Variants in TXK observed in about 807,000 individuals in gnomAD.
TXK encodes TXK tyrosine kinase.
A neutral mutation model predicts 81.0 loss-of-function variants in TXK; 60 were observed. That is an observed-to-expected ratio of 0.74 (90% confidence interval 0.60 to 0.92). The LOEUF (loss-of-function observed/expected upper bound fraction) is 0.92, where lower values mean the gene tolerates loss of function less well. TXK is among the 40% of genes least tolerant of loss of function. TXK has a pLI of 0.00. For missense variants in TXK, 581 were observed against 638.3 expected, an observed-to-expected ratio of 0.91 and a Z score of 0.97; for synonymous variants, 203 against 210.7, an observed-to-expected ratio of 0.96 and a Z score of 0.32.
chr4:48,130,779 T>C (rs1483789550), intron 1 of TXK, among the ~76,000 whole-genome samples: 1 of 152,034 alleles, frequency 6.6e-6, no homozygotes, highest in Non-Finnish European at 1.5e-5. Context: ...GAGAATCAGA[T>C]ACAAAAAGGA....
At chr4:48,082,497 T>A (rs1717346301) in intron 10 of TXK, among the ~76,000 whole-genome samples, 1 of 152,196 alleles carries the variant, frequency 6.6e-6, no homozygotes. Context: ...GTTCTTTGGA[T>A]AATAACTCAA....
chr4:48,108,328 T>C (rs1425289808), intron 5 of TXK, among the ~76,000 whole-genome samples: 3 of 152,208 alleles, frequency 2.0e-5, no homozygotes, highest in Non-Finnish European at 4.4e-5. Flanking sequence ...GTTAGTTTCA[T>C]AGTTCATGAA....
rs1210338764 is a variant in TXK, at chr4:48,112,388, T to G, written c.299A>C (p.Asn100Thr). 6.2e-7 allele frequency: 1 copy of G among 1,614,056 alleles called. No individual in the cohort carries two copies. Among genetic ancestry groups the G allele is most frequent in the African/African-American group, 1.3e-5 (1 of 74,912 alleles). Residue 100 changes from asparagine to threonine, a missense_variant, in exon 4 of 15, where the codon AAT becomes ACT. Transcript: ENST00000264316. ...LYDFLPREPC[N>T]LALRRAEEYL... ...TTCTTCTGCTCTCCTTAAGGCTAAA[T>G]TACAGGGTTCTCTGGGCAGAAAATC...
intron 6 of TXK, among the ~76,000 whole-genome samples, chr4:48,101,563 T>A (rs905212379): frequency 1.3e-5 from 2 of 152,054 alleles, no homozygotes; most frequent in South Asian, 2.1e-4. Context: ...TTATGACAAG[T>A]AGGATTTAAT....
chr4:48,110,706 A>T, intron 4 of TXK, 103 bp from the exon 5 acceptor site: 1 of 830,430 alleles, frequency 1.2e-6, no homozygotes, highest in Non-Finnish European at 2.0e-6. Context: ...GGGAAATCAA[A>T]TTCATTTTAC....
chr4:48,076,284 A>G, intron 12 of TXK, 118 bp downstream of exon 12: 2 of 748,708 alleles, frequency 2.7e-6, no homozygotes, highest in Non-Finnish European at 4.1e-6. Context: ...CAGGCCTACA[A>G]CCTAGGAAGA....
intron 6 of TXK, among the ~76,000 whole-genome samples, chr4:48,098,889 C>T (rs183401686): frequency 2.0e-5 from 3 of 151,930 alleles, no homozygotes; most frequent in Non-Finnish European, 4.4e-5. Context: ...GCTGAGATTG[C>T]GCCACTGCCC....
chr4:48,123,678 T>G (rs986786453), intron 1 of TXK, among the ~76,000 whole-genome samples: 2 of 152,206 alleles, frequency 1.3e-5, no homozygotes, highest in Non-Finnish European at 2.9e-5. Context: ...GGTTACTCCT[T>G]ACCAACAAAG....
intron 1 of TXK, among the ~76,000 whole-genome samples, chr4:48,121,121 C>G (rs1238987631): frequency 6.6e-6 from 1 of 152,168 alleles, no homozygotes; most frequent in Non-Finnish European, 1.5e-5. Flanking sequence ...TTTTGATTAT[C>G]CCATTCCCTC....
At chr4:48,108,867 G>C (rs561925662) in intron 5 of TXK, among the ~76,000 whole-genome samples, 2 of 152,126 alleles carry the variant, frequency 1.3e-5, no homozygotes, top group African/African-American at 2.4e-5. Flanking sequence ...GGTAATCAAT[G>C]AGCAAATTAA....
rs770963712 is a variant in TXK, at chr4:48,120,243, GTA to G, written c.17-5843_17-5842del. Reference sequence around the variant, plus strand: ...CATATATACGTATATATGTATATACGTATATGTGTATATATACATACACACAT... The same window carrying G: ...CATATATACGTATATATGTATATACGTATGTGTATATATACATACACACAT... On this transcript the variant is annotated intron_variant, in intron 1 of 14. Transcript: ENST00000264316. Among the ~76,000 whole-genome samples, 46 of 136,634 alleles carry G rather than the reference GTA, an allele frequency of 3.4e-4. No homozygotes were observed. In the South Asian group the frequency reaches 3.6e-3, roughly 11 times the overall value. 89.6% of individuals were successfully genotyped at this position (136,634 alleles called of 152,430 possible).
At chr4:48,071,027 G>A (rs1233157742) in intron 14 of TXK, among the ~76,000 whole-genome samples, 2 of 148,932 alleles carry the variant, frequency 1.3e-5, no homozygotes, top group South Asian at 2.1e-4. Context: ...AGCATCCCCA[G>A]TAGCTGGGAT....
At chr4:48,091,392 G>C (rs1199292041) in intron 8 of TXK, among the ~76,000 whole-genome samples, 1 of 152,132 alleles carries the variant, frequency 6.6e-6, no homozygotes, top group African/African-American at 2.4e-5. Flanking sequence ...CAGTATTCTG[G>C]GTATGATGGG....
At chr4:48,124,775 T>C (rs1009605934) in intron 1 of TXK, among the ~76,000 whole-genome samples, 3 of 152,350 alleles carry the variant, frequency 2.0e-5, no homozygotes, top group Non-Finnish European at 4.4e-5. Flanking sequence ...CAAAATAAAG[T>C]ACCAAACCAT....
At chr4:48,088,108 T>A (rs888562766) in intron 9 of TXK, among the ~76,000 whole-genome samples, 1 of 152,032 alleles carries the variant, frequency 6.6e-6, no homozygotes, top group Non-Finnish European at 1.5e-5. Context: ...TAGACCATAA[T>A]GAGATACTAC....
intron 8 of TXK, among the ~76,000 whole-genome samples, chr4:48,091,967 C>T (rs1278897835): frequency 6.6e-6 from 1 of 152,124 alleles, no homozygotes; most frequent in Admixed American, 6.5e-5. Context: ...CTATAGGAGA[C>T]ACATTTAGGA....
chr4:48,071,706 T>A, intron 13 of TXK, 32 bp from the exon 14 acceptor site: 1 of 1,607,444 alleles, frequency 6.2e-7, no homozygotes, highest in Non-Finnish European at 8.5e-7. Context: ...AACAAGGGGT[T>A]AGAGAGAAAT....
At chr4:48,085,850 C>G (rs1717507386) in intron 10 of TXK, among the ~76,000 whole-genome samples, 1 of 152,182 alleles carries the variant, frequency 6.6e-6, no homozygotes, top group Non-Finnish European at 1.5e-5. Context: ...TGAGAGCCAT[C>G]TCCATCACTC....
At chr4:48,097,271 A>T (rs1315256674) in intron 6 of TXK, among the ~76,000 whole-genome samples, 2 of 152,192 alleles carry the variant, frequency 1.3e-5, no homozygotes, top group African/African-American at 4.8e-5. Context: ...TAAGGAATTT[A>T]CTTGATTCTA....
Sources: gnomAD v4.1 joint callset for allele counts (sites outside exome capture counted in the v4.1 genomes callset) on GRCh38, gnomAD v4.1.1 for gene constraint, MANE v1.5 for transcripts, NCBI Gene and HGNC (gene_info 2026-07-23, HGNC 2026-07-21) for gene names.